FBXL7: variants seen among roughly 807,000 people sequenced by gnomAD.
FBXL7 encodes F-box/LRR-repeat protein 7.
Under a neutral mutation model 38.3 loss-of-function variants are expected in FBXL7, and 12 were observed. The observed-to-expected ratio is 0.31, with a 90% CI of 0.20 to 0.51. The LOEUF is 0.51. Ranked by LOEUF, FBXL7 falls within the 20% of genes least tolerant of loss-of-function variation. FBXL7 has a pLI of 0.98. For synonymous variants in FBXL7, 297 were observed against 300.9 expected, an observed-to-expected ratio of 0.99 and a Z score of 0.13; for missense variants, 567 against 676.4, an observed-to-expected ratio of 0.84 and a Z score of 1.79.
chr5:15,658,795 A>G (rs1170382205), intron 2 of FBXL7, among the ~76,000 whole-genome samples: 1 of 152,200 alleles, frequency 6.6e-6, no homozygotes, highest in African/African-American at 2.4e-5. Flanking sequence ...TCTGAAATCT[A>G]TAGATAACAC....
Position 15,838,328 on chromosome 5 carries a change from C to T in FBXL7, c.128-89562C>T, listed in dbSNP as rs73752326. Reference sequence around the variant, plus strand: ...TCAGTGCCTAGTAACAGCTCAATTCCTCATAGATGGCCATCATCTCATTGT... The same window carrying T: ...TCAGTGCCTAGTAACAGCTCAATTCTTCATAGATGGCCATCATCTCATTGT... On this transcript the variant is annotated intron_variant, in intron 2 of 3. Coordinates refer to ENST00000504595, the MANE Select transcript of FBXL7 (RefSeq NM_012304.5). Among the ~76,000 whole-genome samples, 518 of 152,224 alleles carry T rather than the reference C, an allele frequency of 3.4e-3. 7 individuals carry two copies. Among genetic ancestry groups the T allele is most frequent in the African/African-American group, 0.012 (496 of 41,532 alleles).
At chr5:15,933,727 T>C (rs754029676) in intron 3 of FBXL7, among the ~76,000 whole-genome samples, 11 of 151,990 alleles carry the variant, frequency 7.2e-5, no homozygotes, top group Non-Finnish European at 1.5e-4. Context: ...AGGGCCTGAG[T>C]GTCTAAGAGT....
intron 2 of FBXL7, among the ~76,000 whole-genome samples, chr5:15,869,108 C>A (rs1739843019): frequency 6.6e-6 from 1 of 152,108 alleles, no homozygotes; most frequent in Admixed American, 6.6e-5. Flanking sequence ...CAGTTCCATG[C>A]CACATAAGCT....
At chr5:15,669,074 G>A (rs1054896404) in intron 2 of FBXL7, among the ~76,000 whole-genome samples, 14 of 152,120 alleles carry the variant, frequency 9.2e-5, no homozygotes, top group African/African-American at 3.1e-4. Flanking sequence ...TACAGTGAGT[G>A]CTTCAAAATC....
At chr5:15,586,521 G>C (rs1211082392) in intron 1 of FBXL7, among the ~76,000 whole-genome samples, 2 of 151,670 alleles carry the variant, frequency 1.3e-5, no homozygotes, top group Non-Finnish European at 2.9e-5. Context: ...TATTACTTTT[G>C]GACACTTTAC....
chr5:15,634,715 A>C (rs1319464489), intron 2 of FBXL7, among the ~76,000 whole-genome samples: 1 of 152,308 alleles, frequency 6.6e-6, no homozygotes, highest in Non-Finnish European at 1.5e-5. Flanking sequence ...GGAGGTCAGA[A>C]GTCTGAAGCG....
At chr5:15,689,249 G>GTCA (rs1743108596) in intron 2 of FBXL7, among the ~76,000 whole-genome samples, 1 of 146,340 alleles carries the variant, frequency 6.8e-6, no homozygotes, top group Non-Finnish European at 1.5e-5. Flanking sequence ...CTTGCTGCTT[G>GTCA]TCATCAGTTT....
intron 2 of FBXL7, among the ~76,000 whole-genome samples, chr5:15,894,215 C>T (rs866524623): frequency 1.1e-4 from 17 of 152,194 alleles, no homozygotes; most frequent in South Asian, 1.0e-3. Context: ...GAGCCGAGAT[C>T]GCACCATTGC....
chr5:15,581,267 A>C (rs1477235285), intron 1 of FBXL7, among the ~76,000 whole-genome samples: 1 of 152,112 alleles, frequency 6.6e-6, no homozygotes, highest in Admixed American at 6.5e-5. Flanking sequence ...AAAAAAATCA[A>C]CTTATTTCAA....
chr5:15,697,676 G>C (rs1027790978), intron 2 of FBXL7, among the ~76,000 whole-genome samples: 2 of 151,956 alleles, frequency 1.3e-5, no homozygotes, highest in Non-Finnish European at 2.9e-5. Flanking sequence ...CACACACAAG[G>C]CTTCATTGAG....
At chr5:15,708,042 T>C (rs1743745992) in intron 2 of FBXL7, among the ~76,000 whole-genome samples, 2 of 152,224 alleles carry the variant, frequency 1.3e-5, no homozygotes, top group Non-Finnish European at 2.9e-5. Flanking sequence ...CTGACAGCTA[T>C]TTTTATTTGT....
chr5:15,854,966 A>G (rs1345821098), intron 2 of FBXL7, among the ~76,000 whole-genome samples: 1 of 152,212 alleles, frequency 6.6e-6, no homozygotes, highest in East Asian at 1.9e-4. Flanking sequence ...ATAAAACAAA[A>G]GTAACAATCC....
chr5:15,638,474 G>C (rs565747087), intron 2 of FBXL7, among the ~76,000 whole-genome samples: 5 of 152,130 alleles, frequency 3.3e-5, no homozygotes, highest in Non-Finnish European at 7.3e-5. Context: ...AATGAGAATC[G>C]GTATTTAAAT....
At chr5:15,608,216 C>T (rs1740095122) in intron 1 of FBXL7, among the ~76,000 whole-genome samples, 1 of 152,254 alleles carries the variant, frequency 6.6e-6, no homozygotes, top group South Asian at 2.1e-4. Context: ...TGGGTTCTCA[C>T]AGGCATTGGT....
chr5:15,556,891 T>G (rs1469128587), intron 1 of FBXL7, among the ~76,000 whole-genome samples: 2 of 152,186 alleles, frequency 1.3e-5, no homozygotes, highest in Non-Finnish European at 2.9e-5. Context: ...GTTTAAGTGG[T>G]GTTTTAAAGC....
In FBXL7 at chr5:15,938,611, T is replaced by C. The variant is rs967477863; in HGVS notation, c.*1425T>C. ...AATGCAAAGCAGACTTCCAGGTGTT[T>C]AAATTCTGTTCACTCAACAATGCCA... On this transcript the variant is annotated 3_prime_UTR_variant, in exon 4 of 4. Transcript: ENST00000504595. 6.0e-6 allele frequency: 1 copy of C among 166,874 alleles called. No homozygotes were observed. The highest frequency in any genetic ancestry group is 2.4e-5 in the African/African-American group (1 of 42,132). 10.3% of individuals were successfully genotyped at this position (166,874 alleles called of 1,614,324 possible). A position where few individuals can be genotyped will look rare whatever the true frequency, so the allele number is the denominator to read the frequency against.
chr5:15,584,148 G>T (rs1739234641), intron 1 of FBXL7, among the ~76,000 whole-genome samples: 1 of 152,176 alleles, frequency 6.6e-6, no homozygotes, highest in African/African-American at 2.4e-5. Flanking sequence ...AGAGCAGCTG[G>T]GCCCTGGGCC....
intron 1 of FBXL7, among the ~76,000 whole-genome samples, chr5:15,592,507 C>CT (rs1199329967): frequency 2.0e-5 from 3 of 152,116 alleles, no homozygotes; most frequent in Non-Finnish European, 2.9e-5. Flanking sequence ...CACAAATATT[C>CT]TTTTTTTTCT....
chr5:15,609,401 A>G (rs1220145832), intron 1 of FBXL7, among the ~76,000 whole-genome samples: 1 of 152,180 alleles, frequency 6.6e-6, no homozygotes, highest in African/African-American at 2.4e-5. Context: ...ACATATTTTA[A>G]AACCAGCACA....
Sources: gnomAD v4.1 joint callset for allele counts (sites outside exome capture counted in the v4.1 genomes callset) on GRCh38, gnomAD v4.1.1 for gene constraint, MANE v1.5 for transcripts, NCBI Gene and HGNC (gene_info 2026-07-23, HGNC 2026-07-21) for gene names.